Variants in EPHX2 observed in about 807,000 individuals in gnomAD.
The protein encoded by EPHX2 is bifunctional epoxide hydrolase 2.
In EPHX2, 74 loss-of-function variants were observed where a neutral mutation model predicts 78.7. The ratio of observed to expected loss-of-function variants is 0.94; its 90% confidence interval spans 0.78 to 1.14. The LOEUF (loss-of-function observed/expected upper bound fraction) is 1.14. Among genes scored for constraint, EPHX2 ranks in the 50% most tolerant of loss-of-function variants. EPHX2 has a pLI of 0.00. For missense variants in EPHX2, 715 were observed against 702.5 expected (o/e 1.02, Z -0.20); for synonymous variants, 251 against 255.2 (o/e 0.98, Z 0.16).
At chr8:27,523,830 A>T (rs1814732857) in intron 11 of EPHX2, among the ~76,000 whole-genome samples, 1 of 152,162 alleles carries the variant, frequency 6.6e-6, no homozygotes, top group African/African-American at 2.4e-5. Context: ...TGGGTTCACC[A>T]AAAAGTTACC....
At chr8:27,533,813 C>G (rs577326695) in intron 12 of EPHX2, among the ~76,000 whole-genome samples, 12 of 152,278 alleles carry the variant, frequency 7.9e-5, no homozygotes, top group Non-Finnish European at 1.6e-4. Flanking sequence ...TGGTCTTGAA[C>G]TCCTGGCCTC....
intron 9 of EPHX2, among the ~76,000 whole-genome samples, 160 bp from the exon 10 acceptor site, chr8:27,520,723 C>T (rs1446026962): frequency 6.6e-6 from 1 of 152,164 alleles, no homozygotes; most frequent in Non-Finnish European, 1.5e-5. Context: ...CCTTAATCAT[C>T]TCCTTAAAGG....
chr8:27,505,254 T>C, intron 4 of EPHX2, 108 bp downstream of exon 4: 2 of 1,060,144 alleles, frequency 1.9e-6, no homozygotes, highest in South Asian at 1.5e-5. Flanking sequence ...GCAGGACAGC[T>C]CTGAGTCCAC....
chr8:27,512,804 C>T (rs62504287), intron 6 of EPHX2, among the ~76,000 whole-genome samples: 14,103 of 151,614 alleles, frequency 0.093, 672 homozygotes, highest in Non-Finnish European at 0.11. Flanking sequence ...CATCTTATCC[C>T]GGTGAGCATC....
At chr8:27,513,199 A>C (rs962259133) in intron 6 of EPHX2, among the ~76,000 whole-genome samples, 7 of 152,206 alleles carry the variant, frequency 4.6e-5, no homozygotes, top group African/African-American at 9.7e-5. Context: ...GTGGGCATCC[A>C]GGCACGAGTG....
chr8:27,518,196 A>G, intron 9 of EPHX2, 124 bp downstream of exon 9: 1 of 759,842 alleles, frequency 1.3e-6, no homozygotes, highest in South Asian at 1.8e-5. Flanking sequence ...ATAAATTCCT[A>G]CTGAAAGTTG....
intron 2 of EPHX2, among the ~76,000 whole-genome samples, chr8:27,501,825 T>C (rs72475806): frequency 6.6e-6 from 1 of 152,268 alleles, no homozygotes; most frequent in East Asian, 1.9e-4. Flanking sequence ...GTGTAACTTC[T>C]AGGAAACTGG....
At chr8:27,529,889 C>CA (rs56851108) in intron 12 of EPHX2, among the ~76,000 whole-genome samples, 153 of 90,048 alleles carry the variant, frequency 1.7e-3, no homozygotes, top group Middle Eastern at 5.7e-3. Context: ...CCAGCCTGAG[C>CA]AAAAAAAAAA....
At chr8:27,522,741 C>T (rs1474392057) in intron 11 of EPHX2, among the ~76,000 whole-genome samples, 1 of 151,724 alleles carries the variant, frequency 6.6e-6, no homozygotes, top group Non-Finnish European at 1.5e-5. Context: ...GGGTGGATCA[C>T]CTGAGGTCAG....
chr8:27,537,022 G>A (rs13438899), intron 13 of EPHX2, among the ~76,000 whole-genome samples, 167 bp downstream of exon 13: 13,441 of 152,074 alleles, frequency 0.088, 599 homozygotes, highest in Non-Finnish European at 0.1. Flanking sequence ...TTACATCCTC[G>A]TTGACACACA....
At chr8:27,542,313 C>T (rs1005822501) in intron 16 of EPHX2, among the ~76,000 whole-genome samples, 2 of 152,154 alleles carry the variant, frequency 1.3e-5, no homozygotes, top group African/African-American at 4.8e-5. Context: ...CTAGGAAGCA[C>T]ATGGGCTGAG....
In EPHX2 at chr8:27,515,715, C is replaced by T. The variant is rs372868086; in HGVS notation, c.736-3C>T. 8.9e-5 allele frequency: 144 copies of T among 1,613,508 alleles called. 1 individual carries two copies. In the Middle Eastern group the frequency reaches 1.2e-3, roughly 13 times the overall value. ...GCTGCCCTCTCCTCTTTCCCTTCCA[C>T]AGCCCAGGGTCCGTCTGCATTTTGT... is the stretch of plus-strand genomic sequence containing the variant. On this transcript the variant is annotated splice_region_variant and splice_polypyrimidine_tract_variant and intron_variant, in intron 6 of 18. Transcript: ENST00000521400.
chr8:27,521,084 G>A (rs1174601570), intron 10 of EPHX2, among the ~76,000 whole-genome samples, 175 bp downstream of exon 10: 1 of 152,190 alleles, frequency 6.6e-6, no homozygotes, highest in Non-Finnish European at 1.5e-5. Flanking sequence ...CAAAGAGCAA[G>A]GATTGCGTGG....
chr8:27,522,236 C>T (rs552405743), intron 10 of EPHX2, among the ~76,000 whole-genome samples, 187 bp from the exon 11 acceptor site: 1 of 152,202 alleles, frequency 6.6e-6, no homozygotes, highest in East Asian at 1.9e-4. Context: ...ATGTAAAAGG[C>T]TGGCTATTTG....
intron 12 of EPHX2, among the ~76,000 whole-genome samples, chr8:27,530,171 A>T (rs1814988117): frequency 6.6e-6 from 1 of 151,716 alleles, no homozygotes; most frequent in Non-Finnish European, 1.5e-5. Context: ...CAGGTGTGAG[A>T]GCTGCCATGC....
At chr8:27,504,388 C>T (rs868047756) in intron 3 of EPHX2, among the ~76,000 whole-genome samples, 1 of 152,230 alleles carries the variant, frequency 6.6e-6, no homozygotes, top group Non-Finnish European at 1.5e-5. Context: ...GCCTAGTTCT[C>T]ACCCTCGCTG....
At chr8:27,512,091 C>T in intron 6 of EPHX2, 181 bp downstream of exon 6, 1 of 377,334 alleles carries the variant, frequency 2.7e-6, no homozygotes, top group Non-Finnish European at 4.7e-6. Context: ...GAGTGAAACC[C>T]TGTCTCAAGA....
At chr8:27,546,585 A>C (rs1329906385), downstream of EPHX2, among the ~76,000 whole-genome samples, 1 of 152,214 alleles carries the variant, frequency 6.6e-6, no homozygotes, top group African/African-American at 2.4e-5. Flanking sequence ...AGTTGGGGGA[A>C]AGGAAATAAT....
intron 5 of EPHX2, 135 bp from the exon 6 acceptor site, chr8:27,511,701 G>A: frequency 1.2e-6 from 1 of 809,766 alleles, no homozygotes; most frequent in Non-Finnish European, 2.0e-6. Flanking sequence ...GAGATGGGCT[G>A]GTCAGCCACC....
Sources: gnomAD v4.1 joint callset for allele counts (sites outside exome capture counted in the v4.1 genomes callset) on GRCh38, gnomAD v4.1.1 for gene constraint, MANE v1.5 for transcripts, NCBI Gene and HGNC (gene_info 2026-07-23, HGNC 2026-07-21) for gene names.